The following WFS1 variants were observed in gnomAD, a reference collection of about 807,000 sequenced individuals.
WFS1 encodes wolframin ER transmembrane glycoprotein.
WFS1 carries 90 observed loss-of-function variants against 68.5 expected under a neutral mutation model. That is an observed-to-expected ratio of 1.31 (90% CI 1.11 to 1.56). The LOEUF (loss-of-function observed/expected upper bound fraction) is 1.56. Among genes scored for constraint, WFS1 ranks in the 40% most tolerant of loss-of-function variants. The probability of loss-of-function intolerance (pLI) is 0.00; values close to 1 mark genes in which losing one functional copy is unlikely to be tolerated. For synonymous variants in WFS1, 860 were observed against 540.7 expected, an observed-to-expected ratio of 1.59 and a Z score of -8.19; for missense variants, 1,767 against 1,232.6, an observed-to-expected ratio of 1.43 and a Z score of -6.49.
rs775216682 is a variant in WFS1 at position 6,302,020 on chromosome 4, G to A, written c.2225G>A (p.Cys742Tyr). Residue 742 changes from cysteine to tyrosine, a missense_variant, in exon 8 of 8, where the codon TGC becomes TAC. Physicochemically the swap from Cys to Tyr is radical, Grantham distance 194. Transcript: ENST00000226760. ...CTCTACGGCGAGGCCTACCCTGCCT[G>A]CAGCCCTGGCAACACCTCCACGGCC... ...RCLYGEAYPA[C>Y]SPGNTSTAEE... 9.9e-6 allele frequency: 16 copies of A among 1,612,602 alleles called. No individual in the cohort carries two copies. Among genetic ancestry groups the A allele is most frequent in the East Asian group, 4.5e-5 (2 of 44,880 alleles).
intron 1 of WFS1, among the ~76,000 whole-genome samples, chr4:6,275,668 C>G (rs1729973829): frequency 6.6e-6 from 1 of 152,074 alleles, no homozygotes; most frequent in African/African-American, 2.4e-5. Context: ...AGGGCTCAGT[C>G]CCTCTGAGGG....
chr4:6,298,479 G>A (rs997295768), intron 7 of WFS1, among the ~76,000 whole-genome samples: 5 of 149,374 alleles, frequency 3.3e-5, no homozygotes, highest in Non-Finnish European at 6.0e-5. Flanking sequence ...TGCTTTAATC[G>A]TTTATTTGCT....
At position 6,301,724 on chromosome 4, in the gene WFS1, C is replaced by T. The variant is rs544473222; in HGVS notation, c.1929C>T (p.Ile643=). 1.5e-5 allele frequency: 24 copies of T among 1,613,936 alleles called. No homozygotes were observed. The East Asian group carries it at 2.0e-4, about 13-fold the overall frequency. ...TCATCCTGGTGTGGCTCACGGCCATCGTGCTGTTCTGCTGGTTCTATGTGT... is the reference window on the plus strand; with the variant it reads ...TCATCCTGGTGTGGCTCACGGCCATTGTGCTGTTCTGCTGGTTCTATGTGT... ...VKLILVWLTA[I]VLFCWFYVYR... The change falls in exon 8 of 8, where the codon ATC becomes ATT. Residue 643 remains isoleucine, a synonymous_variant. Transcript: ENST00000226760.
chr4:6,286,939 C>G (rs955206083), intron 2 of WFS1, among the ~76,000 whole-genome samples, 154 bp from the exon 3 acceptor site: 41 of 152,228 alleles, frequency 2.7e-4, no homozygotes, highest in African/African-American at 9.4e-4. Flanking sequence ...GGGCATCTTC[C>G]CTGTCTGTGT....
chr4:6,300,799 A>C lies in WFS1; in HGVS notation c.1004A>C (p.Asn335Thr). Residue 335 changes from asparagine (N) to threonine (T), a missense_variant, in exon 8 of 8, where the codon AAC becomes ACC. By Grantham distance (65) the Asn-to-Thr change is moderately conservative. Coordinates refer to ENST00000226760, the MANE Select transcript of WFS1 (RefSeq NM_006005.3). The stretch of plus-strand genomic sequence containing the variant: ...CTCATCTTCTTCTTCATCGTCAGCA[A>C]CCTCACCATCGACTTCTTCGCCTTC... ...NALIFFFIVS[N>T]LTIDFFAFFI... 6.2e-7 allele frequency: 1 copy of C among 1,613,784 alleles called. No homozygotes were observed. The highest frequency in any genetic ancestry group is 8.5e-7 in the Non-Finnish European group (1 of 1,179,898).
chr4:6,289,548 G>T (rs1358496906), intron 4 of WFS1, among the ~76,000 whole-genome samples: 1 of 152,252 alleles, frequency 6.6e-6, no homozygotes, highest in African/African-American at 2.4e-5. Context: ...CTGAGGGGCT[G>T]TGGGCCCACA....
chr4:6,271,488 G>C (rs1019230091), intron 1 of WFS1, among the ~76,000 whole-genome samples: 1 of 152,152 alleles, frequency 6.6e-6, no homozygotes, highest in Non-Finnish European at 1.5e-5. Context: ...AGACAGACCC[G>C]AAACACCCAT....
intron 1 of WFS1, among the ~76,000 whole-genome samples, chr4:6,276,197 AGCAGTGCCAGGGGTTT>A (rs1560400827): frequency 3.2e-4 from 48 of 152,318 alleles, no homozygotes. Context: ...TTCAAGGTCC[AGCAGTGCCAGGGGTTT>A]GCATCCCACC....
Position 6,301,233 on chromosome 4 carries a change from T to C in WFS1, c.1438T>C (p.Tyr480His), listed in dbSNP as rs761717186. Reference sequence around the variant, plus strand: ...GCCCTCCATGCCCTTGAATTGGCCCTACCTGAAGGTCCTTGGCCAGACCTT... The same window carrying C: ...GCCCTCCATGCCCTTGAATTGGCCCCACCTGAAGGTCCTTGGCCAGACCTT... ...LLPSMPLNWPYLKVLGQTFIT... is the reference protein window; with the variant it reads ...LLPSMPLNWPHLKVLGQTFIT... The change falls in exon 8 of 8, where the codon TAC (tyrosine) becomes CAC (histidine). Residue 480 changes from tyrosine to histidine, a missense_variant. Physicochemically the swap from Tyr to His is moderately conservative, Grantham distance 83 (BLOSUM62 2). Transcript: ENST00000226760. 6.2e-7 allele frequency: 1 copy of C among 1,611,766 alleles called. No homozygotes were observed. The highest frequency in any genetic ancestry group is 2.2e-5 in the East Asian group (1 of 44,872).
intron 7 of WFS1, among the ~76,000 whole-genome samples, chr4:6,295,876 C>T (rs183182929): frequency 3.9e-5 from 6 of 152,304 alleles, no homozygotes; most frequent in African/African-American, 1.4e-4. Flanking sequence ...CAGTTCAGCT[C>T]GCATGGTTGA....
intron 7 of WFS1, among the ~76,000 whole-genome samples, chr4:6,299,958 C>CGT (rs141189050): frequency 3.8e-4 from 57 of 149,078 alleles, no homozygotes; most frequent in East Asian, 1.2e-3. Context: ...GGGTGGGTTG[C>CGT]GTGTGTGTGT....
At chr4:6,284,021 G>A (rs111642840) in intron 2 of WFS1, among the ~76,000 whole-genome samples, 2,016 of 152,150 alleles carry the variant, frequency 0.013, 46 homozygotes, top group African/African-American at 0.045. Flanking sequence ...TCTGCAGGAC[G>A]AGCCCACCAC....
At chr4:6,286,404 C>G (rs904675929) in intron 2 of WFS1, among the ~76,000 whole-genome samples, 3 of 152,178 alleles carry the variant, frequency 2.0e-5, no homozygotes, top group Non-Finnish European at 2.9e-5. Context: ...AAACAAAAAG[C>G]AGGCCCTCAG....
At chr4:6,284,214 A>G (rs1029200057) in intron 2 of WFS1, among the ~76,000 whole-genome samples, 1 of 152,134 alleles carries the variant, frequency 6.6e-6, no homozygotes, top group African/African-American at 2.4e-5. Context: ...TACTAAAAAT[A>G]CAAAAAAACT....
At chr4:6,299,819 C>T (rs1300731226) in intron 7 of WFS1, among the ~76,000 whole-genome samples, 4 of 94,976 alleles carry the variant, frequency 4.2e-5, no homozygotes, top group African/African-American at 1.3e-4. Flanking sequence ...GGGTAGGTTG[C>T]GTGTGTGTGA....
intron 1 of WFS1, among the ~76,000 whole-genome samples, chr4:6,275,547 G>T (rs570968042): frequency 3.4e-5 from 4 of 118,714 alleles, no homozygotes; most frequent in Non-Finnish European, 6.6e-5. Flanking sequence ...GGATGCACCC[G>T]GGGGTGCTTG....
intron 1 of WFS1, among the ~76,000 whole-genome samples, chr4:6,271,589 G>A (rs1729845341): frequency 6.6e-6 from 1 of 152,116 alleles, no homozygotes; most frequent in African/African-American, 2.4e-5. Context: ...TCCGGAAGTG[G>A]TACCACCACA....
rs1315673348 is a variant in WFS1, at chr4:6,277,659, C to T, written c.204C>T (p.Thr68=). ...CCGCTGAACCCCAGGCCCAGCATAC[C>T]AGGAGCCGGGAAAGAGCAGACGGCA... ...AAPAEPQAQH[T]RSRERADGTG... Residue 68 remains threonine, a synonymous_variant, in exon 2 of 8, where the codon ACC becomes ACT. Transcript: ENST00000226760. 1.3e-6 allele frequency: 2 copies of T among 1,564,528 alleles called. No individual in the cohort carries two copies. The highest frequency in any genetic ancestry group is 1.2e-5 in the South Asian group (1 of 85,070).
intron 1 of WFS1, among the ~76,000 whole-genome samples, chr4:6,273,255 G>A (rs1729889692): frequency 1.3e-5 from 2 of 152,232 alleles, no homozygotes; most frequent in South Asian, 2.1e-4. Flanking sequence ...TCCAGGTGGC[G>A]GCCTCTCAGC....
Sources: gnomAD v4.1 joint callset for allele counts (sites outside exome capture counted in the v4.1 genomes callset) on GRCh38, gnomAD v4.1.1 for gene constraint, MANE v1.5 for transcripts, NCBI Gene and HGNC (gene_info 2026-07-23, HGNC 2026-07-21) for gene names.